RBM20: variants seen among roughly 807,000 people sequenced by gnomAD.
RBM20 encodes RNA binding motif protein 20.
A neutral mutation model predicts 110.1 loss-of-function variants in RBM20; 51 were observed. The ratio of observed to expected loss-of-function variants is 0.46; its 90% CI spans 0.37 to 0.59. The LOEUF (loss-of-function observed/expected upper bound fraction) is 0.59. Among genes scored for constraint, RBM20 ranks in the 20% least tolerant of loss-of-function variants. The pLI, the probability that RBM20 is intolerant of heterozygous loss-of-function variation, is 0.00. For synonymous variants in RBM20, 589 were observed against 618.2 expected (o/e 0.95, Z 0.70); for missense variants, 1,512 against 1,574.9 (o/e 0.96, Z 0.68).
At chr10:110,811,407 T>C (rs941794317) in intron 8 of RBM20, among the ~76,000 whole-genome samples, 4 of 152,270 alleles carry the variant, frequency 2.6e-5, no homozygotes, top group Non-Finnish European at 5.9e-5. Flanking sequence ...TATGTGCGTA[T>C]ATCTTTGTAC....
At chr10:110,822,442 A>G (rs1844926130) in intron 11 of RBM20, 3 of 457,014 alleles carry the variant, frequency 6.6e-6, no homozygotes, top group Non-Finnish European at 1.3e-5. Context: ...TGACAGTGAT[A>G]CAAGACTTGT....
At chr10:110,822,619 A>C (rs1844929672) in intron 11 of RBM20, 1 of 377,578 alleles carries the variant, frequency 2.6e-6, no homozygotes, top group African/African-American at 2.1e-5. Flanking sequence ...GTAGCCTTTA[A>C]GATTCTCACT....
At chr10:110,708,403 C>T (rs1357355861) in intron 1 of RBM20, among the ~76,000 whole-genome samples, 2 of 152,090 alleles carry the variant, frequency 1.3e-5, no homozygotes, top group Non-Finnish European at 2.9e-5. Flanking sequence ...GCGTGATGAA[C>T]TTTCATGTAG....
chr10:110,832,847 AGCACCTGTGGCCCAG>A (rs1845074332), intron 13 of RBM20, among the ~76,000 whole-genome samples: 2 of 152,226 alleles, frequency 1.3e-5, no homozygotes, highest in African/African-American at 2.4e-5. Context: ...AGGCAGCCAC[AGCACCTGTGGCCCAG>A]GGCTAGGCCT....
At chr10:110,763,235 G>A (rs11195311) in intron 1 of RBM20, among the ~76,000 whole-genome samples, 15,954 of 152,008 alleles carry the variant, frequency 0.1, 912 homozygotes, top group African/African-American at 0.13. Flanking sequence ...CTATAGAAAC[G>A]TCACACACCG....
rs1254621942 is a variant in RBM20, at chr10:110,831,974, C to G, written c.3573+792C>G. Among the ~76,000 whole-genome samples, 3 of 151,910 alleles carry G rather than the reference C, an allele frequency of 2.0e-5. No homozygotes were observed. In the East Asian group the frequency reaches 5.8e-4, roughly 29 times the overall value. On this transcript the variant is annotated intron_variant, in intron 13 of 13. Transcript: ENST00000369519. ...TGTAAGGCACCACTATTTTTTGGTA[C>G]CAACTAGAAAAAAAATGTTGCAAAT... is the stretch of plus-strand genomic sequence containing the variant.
chr10:110,833,250 G>A (rs1164179197), intron 13 of RBM20, among the ~76,000 whole-genome samples: 3 of 151,866 alleles, frequency 2.0e-5, no homozygotes, highest in South Asian at 2.1e-4. Context: ...CTAGCCAGGC[G>A]TGGTGGCGCG....
intron 1 of RBM20, among the ~76,000 whole-genome samples, chr10:110,675,612 T>A (rs184565754): frequency 4.1e-4 from 63 of 152,160 alleles, no homozygotes; most frequent in African/African-American, 1.5e-3. Context: ...GCTTTCAGAG[T>A]CTGTTCTTCA....
chr10:110,706,481 T>C (rs1474864904), intron 1 of RBM20, among the ~76,000 whole-genome samples: 2 of 152,244 alleles, frequency 1.3e-5, no homozygotes, highest in Admixed American at 1.3e-4. Flanking sequence ...CTCTTTCTGA[T>C]ATCCGCCAGG....
intron 3 of RBM20, 107 bp downstream of exon 3, chr10:110,783,534 C>A: frequency 1.2e-6 from 1 of 817,242 alleles, no homozygotes; most frequent in South Asian, 1.6e-5. Context: ...ATAGCAGAGA[C>A]CAGAACAGGC....
In RBM20 at chr10:110,644,375, C is replaced by T. The variant is rs1424743613; in HGVS notation, c.-80C>T. On this transcript the variant is annotated 5_prime_UTR_variant, in exon 1 of 14. Coordinates refer to ENST00000369519, the MANE Select transcript of RBM20 (RefSeq NM_001134363.3). The surrounding 1 kb of genome is among the most constrained non-coding windows in gnomAD (Gnocchi z 4.3). ...GACAAGGGGACTGGGCACGGGGACC[C>T]CGGCCAGTGAGCGCCCGTGGCCCGG... The T allele has an allele frequency of 3.3e-6, 4 of 1,211,998 alleles. No individual in the cohort carries two copies. The highest frequency in any genetic ancestry group is 3.2e-6 in the Non-Finnish European group (3 of 930,540). 75.1% of individuals were successfully genotyped at this position (1,211,998 alleles called of 1,614,324 possible). A position where few individuals can be genotyped will look rare whatever the true frequency, so the allele number is the denominator to read the frequency against.
At chr10:110,719,079 AG>A (rs1166196343) in intron 1 of RBM20, among the ~76,000 whole-genome samples, 5 of 152,208 alleles carry the variant, frequency 3.3e-5, no homozygotes, top group African/African-American at 1.2e-4. Context: ...ACATATCTGT[AG>A]GTAGAGTCTT....
intron 1 of RBM20, among the ~76,000 whole-genome samples, chr10:110,736,332 T>A (rs939499630): frequency 7.2e-5 from 11 of 152,300 alleles, no homozygotes; most frequent in Admixed American, 5.9e-4. Context: ...ATTCCTTGCT[T>A]CTTTTTCCCT....
At chr10:110,724,625 G>A (rs565582478) in intron 1 of RBM20, among the ~76,000 whole-genome samples, 1 of 152,288 alleles carries the variant, frequency 6.6e-6, no homozygotes, top group South Asian at 2.1e-4. Flanking sequence ...CTGCAGCCAT[G>A]GGCGTGCTGG....
chr10:110,799,339 A>T (rs1317431115), intron 6 of RBM20, among the ~76,000 whole-genome samples: 22 of 152,240 alleles, frequency 1.4e-4, no homozygotes, highest in Admixed American at 1.4e-3. Context: ...AATGTCTGGT[A>T]ACCCTGGGGA....
chr10:110,693,323 T>C (rs369877327), intron 1 of RBM20, among the ~76,000 whole-genome samples: 18 of 152,346 alleles, frequency 1.2e-4, no homozygotes, highest in African/African-American at 4.3e-4. Context: ...TGGAAGAGTT[T>C]GAGAAAGATT....
intron 12 of RBM20, among the ~76,000 whole-genome samples, chr10:110,828,805 G>T (rs559243434): frequency 1.3e-5 from 2 of 151,480 alleles, no homozygotes; most frequent in East Asian, 1.9e-4. Context: ...GGCTTCCAAG[G>T]TTTTTTTTTG....
At chr10:110,723,534 C>T (rs1762184594) in intron 1 of RBM20, among the ~76,000 whole-genome samples, 1 of 152,234 alleles carries the variant, frequency 6.6e-6, no homozygotes, top group Non-Finnish European at 1.5e-5. Flanking sequence ...CCATTTTACA[C>T]CAATGCCACT....
intron 1 of RBM20, among the ~76,000 whole-genome samples, chr10:110,695,989 G>T (rs1862657898): frequency 6.6e-6 from 1 of 152,202 alleles, no homozygotes; most frequent in Admixed American, 6.5e-5. Context: ...CACTCACAGT[G>T]GAGGTCCCTG....
Sources: gnomAD v4.1 joint callset for allele counts (sites outside exome capture counted in the v4.1 genomes callset) on GRCh38, gnomAD v4.1.1 for gene constraint, Gnocchi (gnomAD v3.1) non-coding constraint, MANE v1.5 for transcripts, NCBI Gene and HGNC (gene_info 2026-07-23, HGNC 2026-07-21) for gene names.